AFG2A: variants seen among roughly 807,000 people sequenced by gnomAD.
The protein encoded by AFG2A is AAA ATPase AFG2A, also known as ATPase family gene 2 protein homolog A.
the AFG2A span, among the ~76,000 whole-genome samples, chr4:123,075,958 TAAAAACAACAACAACAACAAAAAA>T: frequency 7.6e-6 from 1 of 131,478 alleles, no homozygotes; most frequent in Non-Finnish European, 1.6e-5. Flanking sequence ...ACTCCATCTC[TAAAAACAACAACAACAACAAAAAA>T]AAAAACAAAA....
the AFG2A span, among the ~76,000 whole-genome samples, chr4:123,181,519 G>A: frequency 6.6e-6 from 1 of 152,150 alleles, no homozygotes; most frequent in Admixed American, 6.5e-5. Context: ...AGGCTGAGGT[G>A]GGTGGATTGC....
chr4:123,275,107 A>C, the AFG2A span, among the ~76,000 whole-genome samples: 1 of 152,132 alleles, frequency 6.6e-6, no homozygotes, highest in East Asian at 1.9e-4. Context: ...TACCTCCTCC[A>C]ATTTCCACCA....
At chr4:123,285,932 G>A in the AFG2A span, among the ~76,000 whole-genome samples, 1 of 152,130 alleles carries the variant, frequency 6.6e-6, no homozygotes, top group Non-Finnish European at 1.5e-5. Flanking sequence ...TGGTGGAGGT[G>A]GTAGTGCTAA....
At chr4:123,017,828 C>A in the AFG2A span, among the ~76,000 whole-genome samples, 1 of 152,230 alleles carries the variant, frequency 6.6e-6, no homozygotes, top group Non-Finnish European at 1.5e-5. Flanking sequence ...TAAAATAATA[C>A]TTTGAAAAGA....
At chr4:123,089,584 CT>C in the AFG2A span, among the ~76,000 whole-genome samples, 6 of 148,818 alleles carry the variant, frequency 4.0e-5, no homozygotes, top group South Asian at 6.4e-4. Context: ...GAGTTTACTT[CT>C]TTTTTTTTTC....
At chr4:123,208,766 G>A in the AFG2A span, among the ~76,000 whole-genome samples, 17 of 152,140 alleles carry the variant, frequency 1.1e-4, no homozygotes, top group African/African-American at 3.9e-4. Context: ...TTAAGAAATA[G>A]CCATTCTTCT....
chr4:123,310,159 G>GA, the AFG2A span, among the ~76,000 whole-genome samples: 1 of 152,150 alleles, frequency 6.6e-6, no homozygotes. Context: ...TTTTCATGAG[G>GA]AAAAAATAAA....
At chr4:123,205,468 A>T in the AFG2A span, among the ~76,000 whole-genome samples, 5 of 152,242 alleles carry the variant, frequency 3.3e-5, no homozygotes, top group African/African-American at 9.6e-5. Flanking sequence ...ACAGTAAAAA[A>T]TAATGCAACA....
At chr4:123,153,677 G>A in the AFG2A span, among the ~76,000 whole-genome samples, 1 of 152,030 alleles carries the variant, frequency 6.6e-6, no homozygotes, top group African/African-American at 2.4e-5. Flanking sequence ...ACATGTAAAG[G>A]TAGCTCCAAA....
the AFG2A span, among the ~76,000 whole-genome samples, chr4:123,040,548 C>T: frequency 0.012 from 1,851 of 152,258 alleles, 43 homozygotes; most frequent in African/African-American, 0.041. Flanking sequence ...TCCCACAATA[C>T]GTGGAAAACT....
At chr4:122,971,080 T>A in the AFG2A span, among the ~76,000 whole-genome samples, 1 of 152,200 alleles carries the variant, frequency 6.6e-6, no homozygotes, top group Non-Finnish European at 1.5e-5. Flanking sequence ...GTATTGACTG[T>A]GTCTACCTAC....
the AFG2A span, among the ~76,000 whole-genome samples, chr4:123,102,541 T>A: frequency 6.6e-6 from 1 of 151,996 alleles, no homozygotes; most frequent in Non-Finnish European, 1.5e-5. Flanking sequence ...GTAAAAATAA[T>A]GTTGAGTTAG....
chr4:123,183,826 C>G, the AFG2A span, among the ~76,000 whole-genome samples: 1 of 152,130 alleles, frequency 6.6e-6, no homozygotes, highest in East Asian at 1.9e-4. Flanking sequence ...GTGGCATGAT[C>G]TCAGCTCACT....
chr4:123,192,688 G>A, the AFG2A span, among the ~76,000 whole-genome samples: 4 of 152,056 alleles, frequency 2.6e-5, no homozygotes, highest in East Asian at 3.9e-4. Flanking sequence ...TCCTCTTAGC[G>A]GGCTTTGAGT....
At chr4:123,095,067 G>A in the AFG2A span, among the ~76,000 whole-genome samples, 39 of 112,600 alleles carry the variant, frequency 3.5e-4, no homozygotes, top group Middle Eastern at 4.9e-3. Context: ...ATATATATAT[G>A]TGTGTGTGTG....
chr4:123,184,665 T>C, the AFG2A span, among the ~76,000 whole-genome samples: 2 of 145,412 alleles, frequency 1.4e-5, no homozygotes, highest in African/African-American at 5.0e-5. Context: ...GCCTCCCAAG[T>C]AGCTGGGACT....
At chr4:122,994,166 A>G in the AFG2A span, among the ~76,000 whole-genome samples, 1 of 152,134 alleles carries the variant, frequency 6.6e-6, no homozygotes, top group African/African-American at 2.4e-5. Flanking sequence ...TCCATATTTT[A>G]TAAAGCAGCT....
chr4:123,273,718 C>T, the AFG2A span, among the ~76,000 whole-genome samples: 4 of 152,236 alleles, frequency 2.6e-5, no homozygotes, highest in East Asian at 7.7e-4. Flanking sequence ...GTTTCATGCA[C>T]ACGATTATTT....
At chr4:123,197,968 A>C in the AFG2A span, among the ~76,000 whole-genome samples, 2 of 151,860 alleles carry the variant, frequency 1.3e-5, no homozygotes, top group Non-Finnish European at 2.9e-5. Flanking sequence ...ATCATGGTGC[A>C]TTAAGAGCAT....
Sources: gnomAD v4.1 joint callset for allele counts (sites outside exome capture counted in the v4.1 genomes callset) on GRCh38, gnomAD v4.1.1 for gene constraint, MANE v1.5 for transcripts, NCBI Gene and HGNC (gene_info 2026-07-23, HGNC 2026-07-21) for gene names.